The following TTC28 variants were observed in gnomAD, a reference collection of about 807,000 sequenced individuals.
TTC28 encodes tetratricopeptide repeat protein 28.
A neutral mutation model predicts 198.0 loss-of-function variants in TTC28; 61 were observed. That is an observed-to-expected ratio of 0.31 (90% CI 0.25 to 0.38). The LOEUF (loss-of-function observed/expected upper bound fraction) is 0.38, where lower values mean the gene tolerates loss of function less well. TTC28 is among the 10% of genes least tolerant of loss of function. TTC28 has a pLI of 1.00. For synonymous variants in TTC28, 1,171 were observed against 1,297.8 expected (o/e 0.90, Z 2.10); for missense variants, 2,678 against 3,164.0 (o/e 0.85, Z 3.69).
At chr22:28,276,373 A>C (rs1932428826) in intron 5 of TTC28, among the ~76,000 whole-genome samples, 1 of 152,160 alleles carries the variant, frequency 6.6e-6, no homozygotes. Flanking sequence ...TCATGAGCTC[A>C]TGACTAAAGT....
At position 28,669,891 on chromosome 22, in the gene TTC28, A is replaced by G. The variant is rs2051850915; in HGVS notation, c.102+9731T>C. ...GGCAAAAAATGTTATTATTAAACTG[A>G]TGAGAAAATATAAAGGTTTATTACT... On this transcript the variant is annotated intron_variant, in intron 1 of 22. Coordinates refer to ENST00000397906, the MANE Select transcript of TTC28 (RefSeq NM_001145418.2). Among the ~76,000 whole-genome samples, 3 of 152,204 alleles carry G rather than the reference A, an allele frequency of 2.0e-5. No individual in the cohort carries two copies. In the South Asian group the frequency reaches 6.2e-4, roughly 31 times the overall value.
chr22:28,039,088 C>G (rs1020153943), intron 12 of TTC28, among the ~76,000 whole-genome samples: 6 of 152,160 alleles, frequency 3.9e-5, no homozygotes, highest in Non-Finnish European at 5.9e-5. Flanking sequence ...TAAACTAGTT[C>G]AACCATTGTG....
chr22:28,296,756 T>C (rs1019009771), intron 4 of TTC28, among the ~76,000 whole-genome samples: 1 of 152,168 alleles, frequency 6.6e-6, no homozygotes, highest in Non-Finnish European at 1.5e-5. Context: ...TTATCCCTTC[T>C]CTTACTCCAA....
intron 2 of TTC28, among the ~76,000 whole-genome samples, chr22:28,460,811 G>T (rs1340204081): frequency 6.6e-6 from 1 of 152,040 alleles, no homozygotes; most frequent in Admixed American, 6.6e-5. Context: ...AGCCTCCTGA[G>T]TGGCTGGGAC....
chr22:28,368,751 A>G (rs139200188), intron 2 of TTC28, among the ~76,000 whole-genome samples: 2,456 of 152,202 alleles, frequency 0.016, 89 homozygotes, highest in African/African-American at 0.057. Context: ...TATGCCAACA[A>G]CAAGCAATCT....
intron 5 of TTC28, among the ~76,000 whole-genome samples, chr22:28,267,534 A>G (rs1443213712): frequency 3.3e-5 from 5 of 152,186 alleles, no homozygotes. Flanking sequence ...TTGATCCTTT[A>G]CCTATGTCAA....
chr22:28,538,894 C>A (rs1455968793), intron 2 of TTC28, among the ~76,000 whole-genome samples: 1 of 152,072 alleles, frequency 6.6e-6, no homozygotes, highest in African/African-American at 2.4e-5. Flanking sequence ...TATGTGCATG[C>A]TTTACATAAT....
At chr22:28,580,143 A>G (rs1381605375) in intron 2 of TTC28, among the ~76,000 whole-genome samples, 1 of 152,140 alleles carries the variant, frequency 6.6e-6, no homozygotes, top group African/African-American at 2.4e-5. Flanking sequence ...ACCTGAAGGT[A>G]GTTATTGACT....
Position 27,980,713 on chromosome 22 carries a change from T to TAA in TTC28, c.*1506_*1507dup. 2 of 97,152 alleles carry TAA rather than the reference T, an allele frequency of 2.1e-5. No homozygotes were observed. Among genetic ancestry groups the TAA allele is most frequent in the Admixed American group, 9.6e-5 (1 of 10,434 alleles). 6.0% of individuals were successfully genotyped at this position (97,152 alleles called of 1,614,324 possible). ...GTAGGATTTTAATTTTAGAATTACC[T>TAA]AAAAGATACTTACTTATCTAAATTC... On this transcript the variant is annotated 3_prime_UTR_variant, in exon 23 of 23. Transcript: ENST00000397906.
intron 2 of TTC28, among the ~76,000 whole-genome samples, chr22:28,599,438 T>C (rs2050602499): frequency 6.6e-6 from 1 of 152,224 alleles, no homozygotes; most frequent in African/African-American, 2.4e-5. Context: ...CAATGGCTCA[T>C]GAACCTTCAG....
intron 5 of TTC28, among the ~76,000 whole-genome samples, chr22:28,189,190 C>G (rs1391835520): frequency 6.6e-6 from 1 of 151,970 alleles, no homozygotes; most frequent in East Asian, 1.9e-4. Context: ...TCAAAAATAA[C>G]AAATACATAT....
intron 5 of TTC28, among the ~76,000 whole-genome samples, chr22:28,228,702 A>G (rs1928555531): frequency 6.6e-6 from 1 of 151,910 alleles, no homozygotes; most frequent in South Asian, 2.1e-4. Flanking sequence ...TCCATCAAAA[A>G]CAAAAACAAA....
At chr22:28,545,406 C>CA (rs967048278) in intron 2 of TTC28, among the ~76,000 whole-genome samples, 1 of 151,306 alleles carries the variant, frequency 6.6e-6, no homozygotes, top group South Asian at 2.1e-4. Flanking sequence ...CCTGTCTCTA[C>CA]AAAAAAAATT....
intron 5 of TTC28, among the ~76,000 whole-genome samples, chr22:28,192,204 T>C (rs1023088185): frequency 6.6e-6 from 1 of 151,954 alleles, no homozygotes; most frequent in African/African-American, 2.4e-5. Flanking sequence ...TCCAGCAAAC[T>C]CCAACAGACT....
At chr22:28,168,025 A>T (rs112950428) in intron 5 of TTC28, among the ~76,000 whole-genome samples, 17 of 152,030 alleles carry the variant, frequency 1.1e-4, no homozygotes, top group Admixed American at 2.0e-4. Flanking sequence ...TATACACCAA[A>T]AACAGACAAA....
chr22:28,050,074 A>G (rs937677904), intron 12 of TTC28, among the ~76,000 whole-genome samples: 1 of 152,128 alleles, frequency 6.6e-6, no homozygotes, highest in Non-Finnish European at 1.5e-5. Context: ...CTATAAGGGT[A>G]CAGCTGGGAG....
At chr22:28,071,441 A>G (rs1268048434) in intron 12 of TTC28, among the ~76,000 whole-genome samples, 1 of 150,716 alleles carries the variant, frequency 6.6e-6, no homozygotes, top group Non-Finnish European at 1.5e-5. Context: ...AGGGACATGG[A>G]TGAAATTGGA....
intron 2 of TTC28, among the ~76,000 whole-genome samples, chr22:28,484,933 G>A (rs1387910431): frequency 6.6e-6 from 1 of 152,058 alleles, no homozygotes; most frequent in Non-Finnish European, 1.5e-5. Context: ...CCTAATGAAA[G>A]TATCCATAAA....
intron 2 of TTC28, among the ~76,000 whole-genome samples, chr22:28,423,926 C>A (rs1225845787): frequency 1.3e-5 from 2 of 152,224 alleles, no homozygotes; most frequent in Non-Finnish European, 2.9e-5. Flanking sequence ...AATGCTACAT[C>A]TGCAAAGGCC....
Sources: allele counts gnomAD v4.1 joint callset (sites outside exome capture counted in the v4.1 genomes callset), GRCh38; gene constraint gnomAD v4.1.1; transcripts MANE v1.5; gene names NCBI Gene and HGNC (gene_info 2026-07-23, HGNC 2026-07-21).